Variants in EBNA1BP2 observed in about 807,000 individuals in gnomAD.
EBNA1BP2 encodes the protein probable rRNA-processing protein EBP2.
EBNA1BP2 carries 36 observed loss-of-function variants against 43.5 expected under a neutral mutation model. That is an observed-to-expected ratio of 0.83 (90% CI 0.63 to 1.09). The LOEUF (loss-of-function observed/expected upper bound fraction) is 1.09, where lower values mean the gene tolerates loss of function less well. Among genes scored for constraint, EBNA1BP2 ranks in the 50% least tolerant of loss-of-function variants. The pLI is 0.00. For missense variants in EBNA1BP2, 332 were observed against 379.1 expected (o/e 0.88, Z 1.03); for synonymous variants, 127 against 141.3 (o/e 0.90, Z 0.72).
At chr1:43,168,027 T>C (rs946591861) in intron 5 of EBNA1BP2, among the ~76,000 whole-genome samples, 2 of 152,224 alleles carry the variant, frequency 1.3e-5, no homozygotes, top group Admixed American at 6.5e-5. Flanking sequence ...AGTGAACTAA[T>C]AGGCCCAAGT....
chr1:43,171,044 G>T (rs540143400), intron 3 of EBNA1BP2, 165 bp from the exon 4 acceptor site: 46 of 1,027,178 alleles, frequency 4.5e-5, no homozygotes, highest in East Asian at 3.2e-5. Context: ...GTATCTAAAA[G>T]AAATGTAGCC....
chr1:43,171,550 C>T lies in EBNA1BP2; in HGVS notation c.252G>A (p.Glu84=), dbSNP rs1644971643. Residue 84 remains glutamate, a synonymous_variant, in exon 3 of 9, where the codon GAG becomes GAA. Transcript: ENST00000236051. ...LGPVPEIGGS[E]APAPQNKDQK... is the part of the protein sequence containing the mutation. ...GGTCCTTGTTCTGAGGTGCTGGCGC[C>T]TCAGATCCACCGATCTCCGGTACCG... The T allele has an allele frequency of 1.1e-5, 17 of 1,614,048 alleles. No homozygotes were observed. The highest frequency in any genetic ancestry group is 1.4e-5 in the Non-Finnish European group (17 of 1,180,042).
At chr1:43,167,119 A>C in intron 6 of EBNA1BP2, 41 bp downstream of exon 6, 2 of 1,598,780 alleles carry the variant, frequency 1.3e-6, no homozygotes, top group South Asian at 2.2e-5. Context: ...TCAACTCTAA[A>C]GTACCTGCTA....
rs370529462 is a variant in EBNA1BP2, at chr1:43,172,073, A to G, written c.46T>C (p.Ser16Pro). The G allele has an allele frequency of 1.2e-5, 20 of 1,614,120 alleles. No individual in the cohort carries two copies. The highest frequency in any genetic ancestry group is 3.3e-4 in the Middle Eastern group (2 of 6,062). Residue 16 changes from serine to proline, a missense_variant, in exon 1 of 9, where the codon TCC becomes CCC. Coordinates refer to ENST00000236051, the MANE Select transcript of EBNA1BP2 (RefSeq NM_006824.3). ...LSDSESESDESLVTDRELQDA... is the reference protein window; with the variant it reads ...LSDSESESDEPLVTDRELQDA... ...CCTACCTCTCTGTCTGTGACAAGGGATTCATCGGATTCCGACTCCGAATCC... is the reference window on the plus strand; with the variant it reads ...CCTACCTCTCTGTCTGTGACAAGGGGTTCATCGGATTCCGACTCCGAATCC...
At chr1:43,168,443 T>G (rs1313170443) in intron 5 of EBNA1BP2, among the ~76,000 whole-genome samples, 1 of 152,218 alleles carries the variant, frequency 6.6e-6, no homozygotes, top group East Asian at 1.9e-4. Context: ...ACATTCATAG[T>G]TCAAACACGC....
intron 6 of EBNA1BP2, 100 bp downstream of exon 6, chr1:43,167,060 C>A: frequency 1.3e-6 from 2 of 1,497,238 alleles, no homozygotes; most frequent in South Asian, 2.3e-5. Flanking sequence ...AACTTTGATC[C>A]GACAGGTCCA....
At chr1:43,170,709 T>G in intron 4 of EBNA1BP2, 47 bp downstream of exon 4, 1 of 1,585,720 alleles carries the variant, frequency 6.3e-7, no homozygotes, top group Non-Finnish European at 8.6e-7. Flanking sequence ...CTGAATATGC[T>G]TAAGTACAAA....
chr1:43,171,803 G>T, intron 2 of EBNA1BP2, 83 bp downstream of exon 2: 1 of 1,580,488 alleles, frequency 6.3e-7, no homozygotes, highest in Non-Finnish European at 8.6e-7. Flanking sequence ...ATCTTTCCTG[G>T]GACAAGAATC....
chr1:43,167,618 C>T (rs1249964072), intron 5 of EBNA1BP2, among the ~76,000 whole-genome samples: 1 of 152,034 alleles, frequency 6.6e-6, no homozygotes, highest in African/African-American at 2.4e-5. Context: ...AAGACTACAT[C>T]GATTTTTCGC....
Position 43,166,901 on chromosome 1 carries a change from T to C in EBNA1BP2, c.632A>G (p.Asp211Gly), listed in dbSNP as rs1331234441. ...KYQKGFSDKL[D>G]FLEGDQKPLA... ...AGGTTTCTGATCTCCCTCAAGGAAA[T>C]CCAGTTTATCAGAGAAGCCTGTAAG... The change falls in exon 7 of 9, where the codon GAT becomes GGT. Residue 211 changes from aspartate to glycine, a missense_variant. Coordinates refer to ENST00000236051, the MANE Select transcript of EBNA1BP2 (RefSeq NM_006824.3). 1 of 1,612,790 alleles carries C rather than the reference T, an allele frequency of 6.2e-7. No individual in the cohort carries two copies. Among genetic ancestry groups the C allele is most frequent in the Non-Finnish European group, 8.5e-7 (1 of 1,179,698 alleles).
chr1:43,171,843 G>A (rs200397903), intron 2 of EBNA1BP2, 43 bp downstream of exon 2: 85 of 1,606,656 alleles, frequency 5.3e-5, no homozygotes, highest in East Asian at 2.0e-4. Flanking sequence ...CGCCTGAAGC[G>A]CATCCCATGT....
At chr1:43,165,656 T>A (rs902117008) in intron 7 of EBNA1BP2, among the ~76,000 whole-genome samples, 1 of 152,150 alleles carries the variant, frequency 6.6e-6, no homozygotes. Context: ...TACAACCTAG[T>A]CTCTCCACTG....
At chr1:43,172,301 T>TG (rs1644992643), upstream of EBNA1BP2, 1 of 1,551,834 alleles carries the variant, frequency 6.4e-7, no homozygotes, top group Admixed American at 2.0e-5. Context: ...AACTTTTGAT[T>TG]GGGACTTCCG....
intron 5 of EBNA1BP2, 112 bp from the exon 6 acceptor site, chr1:43,167,347 C>T (rs1644925918): frequency 9.7e-6 from 10 of 1,025,950 alleles, no homozygotes; most frequent in South Asian, 3.9e-5. Context: ...ACATTTACTA[C>T]GTGCCAAAAA....
At chr1:43,164,884 T>A in intron 7 of EBNA1BP2, 79 bp from the exon 8 acceptor site, 1 of 1,556,676 alleles carries the variant, frequency 6.4e-7, no homozygotes, top group East Asian at 2.2e-5. Context: ...GCTCTCAGTT[T>A]CCTTTCTATA....
chr1:43,167,132 C>T (rs1557708993), intron 6 of EBNA1BP2, 28 bp downstream of exon 6: 2 of 1,605,636 alleles, frequency 1.2e-6, no homozygotes, highest in East Asian at 4.5e-5. Context: ...ACCTGCTACC[C>T]TCGTTCCCCT....
At chr1:43,172,542 G>C, upstream of EBNA1BP2, 2 of 1,192,772 alleles carry the variant, frequency 1.7e-6, no homozygotes, top group South Asian at 1.4e-5. Flanking sequence ...GCGGGGGTGG[G>C]GTGGCGCGGA....
chr1:43,165,742 T>C, intron 7 of EBNA1BP2, among the ~76,000 whole-genome samples: 1 of 152,132 alleles, frequency 6.6e-6, no homozygotes, highest in East Asian at 1.9e-4. Context: ...GCACCCCTCC[T>C]TGCTTTGCAC....
In EBNA1BP2 at chr1:43,164,455, G is replaced by T. The variant is rs189165159; in HGVS notation, c.909C>A (p.Asn303Lys). Residue 303 changes from asparagine (N) to lysine (K), a missense_variant, in exon 9 of 9, where the codon AAC becomes AAA. Transcript: ENST00000236051. ...TCAAAGATGCTATTTAGTGTGTTCT[G>T]TTCTTCATCTTCTCTCTTGTTCGTT... ...PGKRTREKMKNRTH is the reference protein window; with the variant it reads ...PGKRTREKMKKRTH 1.9e-6 allele frequency: 3 copies of T among 1,614,132 alleles called. No homozygotes were observed. The East Asian group carries it at 6.7e-5, about 36-fold the overall frequency.
Sources: allele counts gnomAD v4.1 joint callset (sites outside exome capture counted in the v4.1 genomes callset), GRCh38; gene constraint gnomAD v4.1.1; transcripts MANE v1.5; gene names NCBI Gene and HGNC (gene_info 2026-07-23, HGNC 2026-07-21).